The following PDE7A variants were observed in gnomAD, a reference collection of about 807,000 sequenced individuals.
The protein encoded by PDE7A is phosphodiesterase 7A.
A neutral mutation model predicts 64.3 loss-of-function variants in PDE7A; 39 were observed. That is an observed-to-expected ratio of 0.61 (90% CI 0.47 to 0.79). PDE7A has a LOEUF of 0.79. Among genes scored for constraint, PDE7A ranks in the 30% least tolerant of loss-of-function variants. The pLI, the probability that PDE7A is intolerant of heterozygous loss-of-function variation, is 0.00. For missense variants in PDE7A, 470 were observed against 582.8 expected (o/e 0.81, Z 1.99); for synonymous variants, 203 against 206.8 (o/e 0.98, Z 0.16).
chr8:65,752,137 G>A (rs1215875430), intron 3 of PDE7A, among the ~76,000 whole-genome samples: 2 of 152,166 alleles, frequency 1.3e-5, no homozygotes, highest in Non-Finnish European at 2.9e-5. Context: ...ATTGCACGAG[G>A]AAGTCACTCT....
intron 1 of PDE7A, among the ~76,000 whole-genome samples, chr8:65,838,266 C>T (rs1810996533): frequency 2.0e-5 from 3 of 152,148 alleles, no homozygotes; most frequent in Non-Finnish European, 2.9e-5. Flanking sequence ...GAATAAGACA[C>T]AATTTCTGCC....
chr8:65,788,888 G>A, intron 1 of PDE7A: 1 of 1,605,726 alleles, frequency 6.2e-7, no homozygotes, highest in Non-Finnish European at 8.5e-7. Context: ...CTACCTTAGA[G>A]GTGATCCACT....
Position 65,716,723 on chromosome 8 carries a change from TGG to T in PDE7A, c.*2565_*2566del. 6.6e-6 allele frequency among the ~76,000 whole-genome samples: 1 copy of T among 152,338 alleles called. No individual in the cohort carries two copies. Among genetic ancestry groups the T allele is most frequent in the East Asian group, 1.9e-4 (1 of 5,192 alleles). On this transcript the variant is annotated 3_prime_UTR_variant, in exon 13 of 13. Transcript: ENST00000401827. Reference sequence around the variant, plus strand: ...TTTAAAAAAATAGTTACTGTGAGCTTGGTTAATGTGGGTTTGCCATGATAGTT... The same window carrying T: ...TTTAAAAAAATAGTTACTGTGAGCTTTTAATGTGGGTTTGCCATGATAGTT...
chr8:65,730,371 G>A (rs538583041), intron 7 of PDE7A, among the ~76,000 whole-genome samples: 1 of 150,940 alleles, frequency 6.6e-6, no homozygotes, highest in East Asian at 2.0e-4. Flanking sequence ...GTAGAGACAG[G>A]GTTTCTCCAT....
At chr8:65,750,038 G>A (rs377461078) in intron 3 of PDE7A, among the ~76,000 whole-genome samples, 5 of 147,066 alleles carry the variant, frequency 3.4e-5, no homozygotes, top group Non-Finnish European at 6.0e-5. Context: ...ATATGTGGGG[G>A]AGGAGATAAG....
intron 3 of PDE7A, among the ~76,000 whole-genome samples, chr8:65,763,337 G>A (rs559207068): frequency 2.0e-5 from 3 of 152,040 alleles, no homozygotes; most frequent in Non-Finnish European, 4.4e-5. Context: ...AGGCTGAGGC[G>A]GGTGGATCAC....
chr8:65,817,840 C>T (rs1810450335), intron 1 of PDE7A, among the ~76,000 whole-genome samples: 1 of 151,866 alleles, frequency 6.6e-6, no homozygotes, highest in Non-Finnish European at 1.5e-5. Context: ...GCAAGCTCCG[C>T]CTCCCGGGTT....
At chr8:65,737,881 T>C (rs944273743) in intron 6 of PDE7A, among the ~76,000 whole-genome samples, 1 of 152,254 alleles carries the variant, frequency 6.6e-6, no homozygotes, top group Non-Finnish European at 1.5e-5. Context: ...TCCACAGTTT[T>C]ACCATTTTCC....
chr8:65,830,821 C>A (rs1364987827), intron 1 of PDE7A, among the ~76,000 whole-genome samples: 3 of 151,904 alleles, frequency 2.0e-5, no homozygotes, highest in Non-Finnish European at 2.9e-5. Context: ...CTACTAAATT[C>A]ATGAATGAAT....
chr8:65,837,787 GT>G (rs1489159996), intron 1 of PDE7A, among the ~76,000 whole-genome samples: 7 of 152,178 alleles, frequency 4.6e-5, no homozygotes, highest in Non-Finnish European at 1.0e-4. Flanking sequence ...AAAATAATGT[GT>G]TTAGGGTAAC....
At chr8:65,730,007 T>C (rs1317535267) in intron 7 of PDE7A, among the ~76,000 whole-genome samples, 1 of 151,490 alleles carries the variant, frequency 6.6e-6, no homozygotes. Context: ...CCGGTACTGG[T>C]CCATGGCCTG....
chr8:65,719,075 A>G lies in PDE7A; in HGVS notation c.*215T>C, dbSNP rs1806265782. The G allele has an allele frequency of 6.1e-5, 35 of 569,802 alleles. No individual in the cohort carries two copies. In the South Asian group the frequency reaches 7.3e-4, roughly 12 times the overall value. 35.3% of individuals were successfully genotyped at this position (569,802 alleles called of 1,614,324 possible). A position where few individuals can be genotyped will look rare whatever the true frequency, so the allele number is the denominator to read the frequency against. The stretch of plus-strand genomic sequence containing the variant: ...GGGCTTTGCATATTCAAGGTTTCAC[A>G]TGAAAGCCAAATTCATATTGCTGTA... On this transcript the variant is annotated 3_prime_UTR_variant, in exon 13 of 13. Transcript: ENST00000401827.
intron 1 of PDE7A, among the ~76,000 whole-genome samples, chr8:65,835,215 T>C (rs556112789): frequency 6.6e-6 from 1 of 152,354 alleles, no homozygotes; most frequent in Admixed American, 6.5e-5. Flanking sequence ...TCAAAATGAA[T>C]TGGAGTTTTT....
intron 1 of PDE7A, among the ~76,000 whole-genome samples, chr8:65,794,964 T>C (rs1375456091): frequency 6.6e-6 from 1 of 152,078 alleles, no homozygotes; most frequent in Non-Finnish European, 1.5e-5. Context: ...AAATGATGAA[T>C]AAGAGCTTGT....
At chr8:65,739,888 A>G (rs1807331343) in intron 5 of PDE7A, among the ~76,000 whole-genome samples, 1 of 152,200 alleles carries the variant, frequency 6.6e-6, no homozygotes, top group South Asian at 2.1e-4. Flanking sequence ...ATGAGAATAG[A>G]CAATAGAAAA....
chr8:65,754,913 C>G (rs545045176), intron 3 of PDE7A, among the ~76,000 whole-genome samples: 1 of 149,770 alleles, frequency 6.7e-6, no homozygotes, highest in South Asian at 2.1e-4. Context: ...TGCAGTGAGC[C>G]GAGATCGCGC....
At chr8:65,787,603 T>C (rs555200132) in intron 1 of PDE7A, among the ~76,000 whole-genome samples, 39 of 152,188 alleles carry the variant, frequency 2.6e-4, no homozygotes, top group African/African-American at 8.0e-4. Flanking sequence ...AAATAAAATA[T>C]TAGCATTGTT....
At chr8:65,726,330 A>ATT (rs3834875) in intron 9 of PDE7A, among the ~76,000 whole-genome samples, 1 of 149,650 alleles carries the variant, frequency 6.7e-6, no homozygotes, top group Non-Finnish European at 1.5e-5. Flanking sequence ...TAGCCCATTT[A>ATT]TTTTTTTTTC....
intron 7 of PDE7A, 195 bp from the exon 8 acceptor site, chr8:65,727,496 C>G (rs1422325680): frequency 1.6e-6 from 1 of 607,186 alleles, no homozygotes; most frequent in African/African-American, 1.9e-5. Flanking sequence ...ACTGGCAAAG[C>G]CATGATACAA....
Sources: allele counts gnomAD v4.1 joint callset (sites outside exome capture counted in the v4.1 genomes callset), GRCh38; gene constraint gnomAD v4.1.1; transcripts MANE v1.5; gene names NCBI Gene and HGNC (gene_info 2026-07-23, HGNC 2026-07-21).